SPHKAP: variants seen among roughly 807,000 people sequenced by gnomAD.
The protein encoded by SPHKAP is A-kinase anchor protein SPHKAP.
Under a neutral mutation model 137.5 loss-of-function variants are expected in SPHKAP, and 67 were observed. The observed-to-expected ratio is 0.49, with a 90% CI of 0.40 to 0.60. The LOEUF is 0.60. SPHKAP is among the 20% of genes least tolerant of loss of function. The pLI is 0.00. For synonymous variants in SPHKAP, 813 were observed against 785.3 expected, an observed-to-expected ratio of 1.04 and a Z score of -0.59; for missense variants, 2,097 against 2,069.3, an observed-to-expected ratio of 1.01 and a Z score of -0.26.
chr2:228,167,611 T>G (rs1168853644), intron 1 of SPHKAP, among the ~76,000 whole-genome samples: 2 of 152,186 alleles, frequency 1.3e-5, no homozygotes, highest in African/African-American at 4.8e-5. Flanking sequence ...GATAAATTCT[T>G]TAATGCATTT....
chr2:228,144,714 G>A (rs908547131), intron 1 of SPHKAP, among the ~76,000 whole-genome samples: 3 of 152,032 alleles, frequency 2.0e-5, no homozygotes, highest in Non-Finnish European at 2.9e-5. Flanking sequence ...AGAGTTCTGA[G>A]GAAATTTTCT....
intron 5 of SPHKAP, among the ~76,000 whole-genome samples, chr2:228,025,145 T>G (rs1694985703): frequency 6.6e-6 from 1 of 152,230 alleles, no homozygotes; most frequent in Non-Finnish European, 1.5e-5. Context: ...CTCTATCTGC[T>G]CTAGTTCAAA....
intron 7 of SPHKAP, among the ~76,000 whole-genome samples, chr2:228,003,048 C>A (rs745531579): frequency 6.6e-6 from 1 of 152,136 alleles, no homozygotes; most frequent in African/African-American, 2.4e-5. Flanking sequence ...CTTGGCAATG[C>A]GGGCTCTTTT....
chr2:228,092,482 C>CATATATGT (rs1468940975), intron 3 of SPHKAP, among the ~76,000 whole-genome samples: 5 of 3,224 alleles, frequency 1.6e-3, no homozygotes, highest in African/African-American at 3.6e-3. Flanking sequence ...TATATGTATA[C>CATATATGT]ATATATGTGC....
intron 1 of SPHKAP, among the ~76,000 whole-genome samples, chr2:228,175,143 A>G (rs1301377969): frequency 6.6e-6 from 1 of 152,026 alleles, no homozygotes; most frequent in Non-Finnish European, 1.5e-5. Flanking sequence ...GGATAGGAAA[A>G]CTATTTTAAG....
intron 11 of SPHKAP, among the ~76,000 whole-genome samples, chr2:227,986,303 G>A (rs985044671): frequency 3.9e-5 from 6 of 152,124 alleles, no homozygotes; most frequent in African/African-American, 1.4e-4. Context: ...ATTATTCTAA[G>A]TTAAGTAACT....
chr2:228,162,291 A>G (rs191167412), intron 1 of SPHKAP, among the ~76,000 whole-genome samples: 1 of 152,328 alleles, frequency 6.6e-6, no homozygotes, highest in Admixed American at 6.5e-5. Context: ...GCATTTCAGA[A>G]TCAAAAGAGC....
At chr2:228,106,650 C>T (rs900285005) in intron 3 of SPHKAP, among the ~76,000 whole-genome samples, 2 of 152,098 alleles carry the variant, frequency 1.3e-5, no homozygotes, top group Non-Finnish European at 2.9e-5. Context: ...CGATTTTGGT[C>T]ACTGCTTCTG....
chr2:227,993,666 A>AACAT (rs759035909), intron 8 of SPHKAP, 46 bp from the exon 9 acceptor site: 43 of 1,483,758 alleles, frequency 2.9e-5, no homozygotes, highest in Non-Finnish European at 3.8e-5. Context: ...TCCACCCTCT[A>AACAT]ACATGCTGCT....
At position 228,048,875 on chromosome 2, in the gene SPHKAP, C is replaced by T. The variant is rs1696158249; in HGVS notation, c.247-21332G>A. ...TTTTCTTGTTGAGGTGTTGCAGTTT[C>T]TTATAGATGTGTGTAAGCGCACTCT... On this transcript the variant is annotated intron_variant, in intron 3 of 11. Coordinates refer to ENST00000392056, the MANE Select transcript of SPHKAP (RefSeq NM_001142644.2). Among the ~76,000 whole-genome samples the T allele has an allele frequency of 2.6e-5, 4 of 152,070 alleles. No homozygotes were observed. The South Asian group carries it at 6.2e-4, about 24-fold the overall frequency.
At chr2:228,134,126 G>T (rs1023401180) in intron 1 of SPHKAP, among the ~76,000 whole-genome samples, 3 of 69,148 alleles carry the variant, frequency 4.3e-5, no homozygotes, top group African/African-American at 1.7e-4. Context: ...GAGAGAGAGA[G>T]AAAGAAAGAG....
At chr2:227,998,431 C>G (rs1484724085) in intron 7 of SPHKAP, among the ~76,000 whole-genome samples, 1 of 152,160 alleles carries the variant, frequency 6.6e-6, no homozygotes, top group Non-Finnish European at 1.5e-5. Context: ...CAAAAACTAA[C>G]AGTATTTATG....
At chr2:228,037,238 T>A (rs1695656125) in intron 3 of SPHKAP, among the ~76,000 whole-genome samples, 1 of 152,290 alleles carries the variant, frequency 6.6e-6, no homozygotes, top group African/African-American at 2.4e-5. Context: ...GCATTTCTGA[T>A]TTTCAATGCT....
chr2:227,995,751 A>C, intron 7 of SPHKAP, 57 bp from the exon 8 acceptor site: 1 of 1,421,512 alleles, frequency 7.0e-7, no homozygotes, highest in Non-Finnish European at 9.3e-7. Context: ...CACACACAGA[A>C]ACTTCACAGA....
chr2:227,984,341 A>G (rs1166106706), intron 11 of SPHKAP, among the ~76,000 whole-genome samples: 1 of 151,864 alleles, frequency 6.6e-6, no homozygotes, highest in Non-Finnish European at 1.5e-5. Context: ...AAAATTTTCA[A>G]AGAAAGTATT....
rs113106096 is a variant in SPHKAP, at chr2:228,013,276, G to A, written c.4448+3130C>T. The stretch of plus-strand genomic sequence containing the variant: ...ATTCCTTTTTCTTTTTTTTGAGACA[G>A]AGTCTTGCCCCGTCACCCAGGCTGG... On this transcript the variant is annotated intron_variant, in intron 7 of 11. Coordinates refer to ENST00000392056, the MANE Select transcript of SPHKAP (RefSeq NM_001142644.2). 8.5e-5 allele frequency among the ~76,000 whole-genome samples: 13 copies of A among 152,108 alleles called. No homozygotes were observed. The South Asian group carries it at 2.1e-3, about 24-fold the overall frequency.
chr2:228,077,995 G>A (rs181605417), intron 3 of SPHKAP, among the ~76,000 whole-genome samples: 6 of 152,268 alleles, frequency 3.9e-5, no homozygotes, highest in Non-Finnish European at 7.4e-5. Flanking sequence ...TTTTAAAAAT[G>A]GGAGTTTCCC....
At chr2:228,103,263 T>G (rs1251007316) in intron 3 of SPHKAP, among the ~76,000 whole-genome samples, 1 of 152,126 alleles carries the variant, frequency 6.6e-6, no homozygotes, top group African/African-American at 2.4e-5. Flanking sequence ...AGTCAGAAAG[T>G]TTCTTCTGGG....
intron 3 of SPHKAP, among the ~76,000 whole-genome samples, chr2:228,058,132 T>G (rs569540296): frequency 6.6e-6 from 1 of 152,186 alleles, no homozygotes; most frequent in South Asian, 2.1e-4. Flanking sequence ...AGAACTTCAT[T>G]CTGTGACCAG....
Sources: gnomAD v4.1 joint callset for allele counts (sites outside exome capture counted in the v4.1 genomes callset) on GRCh38, gnomAD v4.1.1 for gene constraint, MANE v1.5 for transcripts, NCBI Gene and HGNC (gene_info 2026-07-23, HGNC 2026-07-21) for gene names.